Variants in ADAMTS6 observed in about 807,000 individuals in gnomAD.
The protein encoded by ADAMTS6 is A disintegrin and metalloproteinase with thrombospondin motifs 6.
A neutral mutation model predicts 144.3 loss-of-function variants in ADAMTS6; 23 were observed. The ratio of observed to expected loss-of-function variants is 0.16; its 90% confidence interval spans 0.11 to 0.23. The LOEUF (loss-of-function observed/expected upper bound fraction) is 0.23, where lower values mean the gene tolerates loss of function less well. ADAMTS6 is among the 10% of genes least tolerant of loss of function. The pLI is 1.00. For missense variants in ADAMTS6, 999 were observed against 1,379.6 expected (o/e 0.72, Z 4.37); for synonymous variants, 444 against 457.5 (o/e 0.97, Z 0.38).
At chr5:65,299,816 G>GA (rs3832321) in intron 10 of ADAMTS6, among the ~76,000 whole-genome samples, 169 bp downstream of exon 10, 1 of 151,136 alleles carries the variant, frequency 6.6e-6, no homozygotes, top group African/African-American at 2.4e-5. Context: ...TCTATATGAA[G>GA]AAAAAAAAAT....
rs775007475 is a variant in ADAMTS6, at chr5:65,172,893, C to T, written c.3026G>A (p.Arg1009His). 25 of 1,614,102 alleles carry T rather than the reference C, an allele frequency of 1.5e-5. No homozygotes were observed. Among genetic ancestry groups the T allele is most frequent in the Middle Eastern group, 1.6e-4 (1 of 6,084 alleles). ...GCAGCGGCCCAAACTGCAGCGGATG[C>T]GGACAGGAGGTTTGCTTTCCTCTGG... ...QCPEESKPPVRIRCSLGRCPP... is the reference protein window; with the variant it reads ...QCPEESKPPVHIRCSLGRCPP... The change falls in exon 23 of 25, where the codon CGC becomes CAC. Residue 1009 changes from arginine to histidine, a missense_variant. Physicochemically the swap from Arg to His is conservative, Grantham distance 29. Around this residue, in one of 3 missense-constraint regions of ADAMTS6, gnomAD observed 619 missense variants for 837.0 expected, o/e 0.74. Transcript: ENST00000381055.
chr5:65,351,920 G>A (rs1748887097), intron 7 of ADAMTS6, among the ~76,000 whole-genome samples: 1 of 152,184 alleles, frequency 6.6e-6, no homozygotes, highest in African/African-American at 2.4e-5. Flanking sequence ...TAACATGGAA[G>A]TACACATAGC....
intron 3 of ADAMTS6, among the ~76,000 whole-genome samples, chr5:65,468,098 C>T (rs183354253): frequency 2.0e-5 from 3 of 152,100 alleles, no homozygotes; most frequent in East Asian, 3.9e-4. Flanking sequence ...GGTCCAAATA[C>T]ACAGCAAATT....
At chr5:65,351,438 A>C (rs1373714429) in intron 7 of ADAMTS6, among the ~76,000 whole-genome samples, 2 of 152,246 alleles carry the variant, frequency 1.3e-5, no homozygotes, top group Non-Finnish European at 2.9e-5. Flanking sequence ...TCTTTTGCAG[A>C]AAACAATGAA....
intron 11 of ADAMTS6, among the ~76,000 whole-genome samples, chr5:65,286,109 T>C (rs1341494364): frequency 6.6e-6 from 1 of 152,168 alleles, no homozygotes; most frequent in Non-Finnish European, 1.5e-5. Flanking sequence ...CAGAGGTTCA[T>C]AGAGGAAATG....
At chr5:65,368,003 C>T (rs1250123365) in intron 7 of ADAMTS6, among the ~76,000 whole-genome samples, 1 of 151,914 alleles carries the variant, frequency 6.6e-6, no homozygotes, top group Non-Finnish European at 1.5e-5. Flanking sequence ...TTTTATTTCA[C>T]AAAGTAATCA....
At chr5:65,220,119 A>G (rs1290127375) in intron 18 of ADAMTS6, among the ~76,000 whole-genome samples, 9 of 152,202 alleles carry the variant, frequency 5.9e-5, no homozygotes, top group African/African-American at 2.2e-4. Flanking sequence ...AAAAACCTTA[A>G]CAAAAAACTA....
At chr5:65,290,732 A>G (rs1742219073) in intron 11 of ADAMTS6, among the ~76,000 whole-genome samples, 2 of 152,122 alleles carry the variant, frequency 1.3e-5, no homozygotes, top group Non-Finnish European at 2.9e-5. Context: ...AATTTTATTC[A>G]TTTTCTGATG....
chr5:65,225,470 T>A (rs972367649), intron 16 of ADAMTS6, among the ~76,000 whole-genome samples: 1 of 152,188 alleles, frequency 6.6e-6, no homozygotes, highest in Admixed American at 6.5e-5. Flanking sequence ...AGTAAAAAAA[T>A]TTATGAAAAT....
intron 13 of ADAMTS6, among the ~76,000 whole-genome samples, chr5:65,262,348 T>A (rs1335400114): frequency 3.9e-5 from 6 of 152,222 alleles, no homozygotes; most frequent in Admixed American, 3.3e-4. Flanking sequence ...AGTATTCTTT[T>A]CATTGTGATT....
At chr5:65,291,258 A>G in intron 11 of ADAMTS6, 71 bp downstream of exon 11, 4 of 1,517,980 alleles carry the variant, frequency 2.6e-6, no homozygotes, top group South Asian at 2.7e-5. Context: ...ATTCATCGTA[A>G]TTCCATCTTA....
Position 65,412,291 on chromosome 5 carries a change from A to C in ADAMTS6, c.1073+39184T>G, listed in dbSNP as rs887385713. Reference sequence around the variant, plus strand: ...TTAAATTGTAATAGTAGAATGACTAAGACTAATGCAAAGTCTCACCTGTTC... The same window carrying C: ...TTAAATTGTAATAGTAGAATGACTACGACTAATGCAAAGTCTCACCTGTTC... On this transcript the variant is annotated intron_variant, in intron 7 of 24. Transcript: ENST00000381055. Among the ~76,000 whole-genome samples the C allele has an allele frequency of 6.6e-5, 10 of 152,294 alleles. No individual in the cohort carries two copies. In the Middle Eastern group the frequency reaches 0.014, roughly 207 times the overall value.
intron 7 of ADAMTS6, among the ~76,000 whole-genome samples, chr5:65,426,562 TAAA>T (rs1756552977): frequency 6.6e-6 from 1 of 152,112 alleles, no homozygotes; most frequent in African/African-American, 2.4e-5. Context: ...GATAGGAAGA[TAAA>T]AACAACACTT....
chr5:65,433,884 G>T (rs946682704), intron 7 of ADAMTS6, among the ~76,000 whole-genome samples: 1 of 152,046 alleles, frequency 6.6e-6, no homozygotes, highest in African/African-American at 2.4e-5. Context: ...GTTATCTATG[G>T]GCCAGCAATT....
At chr5:65,360,033 C>T (rs899060193) in intron 7 of ADAMTS6, among the ~76,000 whole-genome samples, 1 of 152,126 alleles carries the variant, frequency 6.6e-6, no homozygotes, top group Non-Finnish European at 1.5e-5. Flanking sequence ...TATCAGTCTG[C>T]TCTTGCACTG....
chr5:65,197,750 T>C (rs1755478581), intron 20 of ADAMTS6, among the ~76,000 whole-genome samples: 2 of 152,240 alleles, frequency 1.3e-5, no homozygotes, highest in Non-Finnish European at 2.9e-5. Context: ...CTAGTCTGTT[T>C]ATTCGAACAG....
intron 14 of ADAMTS6, among the ~76,000 whole-genome samples, chr5:65,250,536 A>G (rs1561329856): frequency 6.6e-6 from 1 of 152,220 alleles, no homozygotes; most frequent in Non-Finnish European, 1.5e-5. Flanking sequence ...CATAACCTAT[A>G]CTTAAATCTT....
At chr5:65,346,838 A>G (rs1748365903) in intron 7 of ADAMTS6, among the ~76,000 whole-genome samples, 1 of 151,798 alleles carries the variant, frequency 6.6e-6, no homozygotes, top group Non-Finnish European at 1.5e-5. Flanking sequence ...CTAATAACAT[A>G]AATTCGGTAA....
At chr5:65,385,285 A>T (rs1268587035) in intron 7 of ADAMTS6, among the ~76,000 whole-genome samples, 5 of 152,250 alleles carry the variant, frequency 3.3e-5, no homozygotes, top group African/African-American at 1.2e-4. Flanking sequence ...CCAGTAGTAC[A>T]GACAGTATGA....
Sources: gnomAD v4.1 joint callset for allele counts (sites outside exome capture counted in the v4.1 genomes callset) on GRCh38, gnomAD v4.1.1 for gene constraint, gnomAD v4.1.1 regional missense constraint, MANE v1.5 for transcripts, NCBI Gene and HGNC (gene_info 2026-07-23, HGNC 2026-07-21) for gene names.